NCKAP5: variants seen among roughly 807,000 people sequenced by gnomAD.
The protein encoded by NCKAP5 is NCK associated protein 5.
In NCKAP5, 92 loss-of-function variants were observed where a neutral mutation model predicts 167.0. The ratio of observed to expected loss-of-function variants is 0.55; its 90% CI spans 0.47 to 0.66. The LOEUF (loss-of-function observed/expected upper bound fraction) is 0.66. Among genes scored for constraint, NCKAP5 ranks in the 30% least tolerant of loss-of-function variants. The probability of loss-of-function intolerance (pLI) is 0.00; values close to 1 mark genes in which losing one functional copy is unlikely to be tolerated. For synonymous variants in NCKAP5, 891 were observed against 877.4 expected (o/e 1.02, Z -0.27); for missense variants, 2,378 against 2,315.0 (o/e 1.03, Z -0.56).
At chr2:133,610,356 G>A in the NCKAP5 span, among the ~76,000 whole-genome samples, 2 of 152,138 alleles carry the variant, frequency 1.3e-5, no homozygotes, top group Non-Finnish European at 2.9e-5. Context: ...CTGTTTGGTG[G>A]CAGTGTGTAT....
intron 3 of NCKAP5, among the ~76,000 whole-genome samples, chr2:133,463,036 T>A (rs1412083800): frequency 6.6e-6 from 1 of 152,230 alleles, no homozygotes; most frequent in Non-Finnish European, 1.5e-5. Context: ...AATATCAACA[T>A]TGGTGCACAG....
In NCKAP5 at chr2:133,435,496, C is replaced by T. The variant is rs572167469; in HGVS notation, c.69+81962G>A. Among the ~76,000 whole-genome samples the T allele has an allele frequency of 5.0e-4, 76 of 152,216 alleles. 1 individual carries two copies. The South Asian group carries it at 8.5e-3, about 17-fold the overall frequency. ...ACAGACTGGCTCTACCAGGTTGGAA[C>T]GAAGCCAGTCTCTCCAGGGCTCACT... On this transcript the variant is annotated intron_variant, in intron 3 of 19. Transcript: ENST00000409261.
chr2:133,438,528 A>G (rs1433101908), intron 3 of NCKAP5, among the ~76,000 whole-genome samples: 3 of 152,234 alleles, frequency 2.0e-5, no homozygotes, highest in Non-Finnish European at 4.4e-5. Flanking sequence ...AACTTCGCAT[A>G]AAGTATAATA....
At chr2:133,197,532 A>G (rs2085490013) in intron 5 of NCKAP5, among the ~76,000 whole-genome samples, 1 of 152,226 alleles carries the variant, frequency 6.6e-6, no homozygotes, top group African/African-American at 2.4e-5. Flanking sequence ...TATGAAGAAC[A>G]GGGAAAATCT....
At chr2:132,898,103 C>A (rs1261159401) in intron 8 of NCKAP5, among the ~76,000 whole-genome samples, 1 of 152,222 alleles carries the variant, frequency 6.6e-6, no homozygotes, top group African/African-American at 2.4e-5. Flanking sequence ...TCTTCTCAAA[C>A]CCTGCCAATG....
chr2:132,826,650 A>T (rs1687143808), intron 11 of NCKAP5, among the ~76,000 whole-genome samples: 1 of 152,212 alleles, frequency 6.6e-6, no homozygotes, highest in African/African-American at 2.4e-5. Flanking sequence ...ATATTAGCTC[A>T]CATTTGCTAC....
intron 6 of NCKAP5, among the ~76,000 whole-genome samples, chr2:133,003,838 T>A (rs981808889): frequency 2.6e-5 from 4 of 152,184 alleles, no homozygotes; most frequent in African/African-American, 9.7e-5. Flanking sequence ...TGCATCATAT[T>A]CACTCCAGGG....
intron 3 of NCKAP5, among the ~76,000 whole-genome samples, chr2:133,512,874 C>A (rs766640325): frequency 6.6e-6 from 1 of 152,016 alleles, no homozygotes; most frequent in African/African-American, 2.4e-5. Flanking sequence ...AGTTGCACAG[C>A]TCCAACTACC....
At chr2:133,434,109 A>C (rs941621273) in intron 3 of NCKAP5, among the ~76,000 whole-genome samples, 2 of 152,250 alleles carry the variant, frequency 1.3e-5, no homozygotes, top group Non-Finnish European at 2.9e-5. Context: ...GAATCAAAAA[A>C]AAATTCTAAG....
At chr2:133,616,614 T>C in the NCKAP5 span, among the ~76,000 whole-genome samples, 1 of 152,162 alleles carries the variant, frequency 6.6e-6, no homozygotes, top group African/African-American at 2.4e-5. Flanking sequence ...AGAAGTTGAA[T>C]CTCTGAATAG....
chr2:132,833,707 G>A (rs1687682197), intron 11 of NCKAP5, among the ~76,000 whole-genome samples: 1 of 152,010 alleles, frequency 6.6e-6, no homozygotes, highest in Non-Finnish European at 1.5e-5. Flanking sequence ...TCTCTATTCT[G>A]TTCCATTGAA....
intron 19 of NCKAP5, 145 bp from the exon 20 acceptor site, chr2:132,673,450 T>C: frequency 1.6e-6 from 1 of 616,598 alleles, no homozygotes; most frequent in Non-Finnish European, 2.4e-6. Flanking sequence ...CTAGTATAAT[T>C]AGATGTAATA....
chr2:132,742,599 CAA>C lies in NCKAP5; in HGVS notation c.5129-10550_5129-10549del, dbSNP rs373446149. Among the ~76,000 whole-genome samples the C allele has an allele frequency of 1.6e-3, 247 of 151,968 alleles. 1 individual carries two copies. Among genetic ancestry groups the C allele is most frequent in the African/African-American group, 5.7e-3 (238 of 41,530 alleles). On this transcript the variant is annotated intron_variant, in intron 16 of 19. Transcript: ENST00000409261. ...ATTACTGTAATTACAGATATTTAAT[CAA>C]AGTCTTCAGAAAGATAAGAATTTAA...
At chr2:132,967,214 TACAC>T (rs1425289778) in intron 7 of NCKAP5, among the ~76,000 whole-genome samples, 1 of 143,984 alleles carries the variant, frequency 6.9e-6, no homozygotes, top group Non-Finnish European at 1.5e-5. Flanking sequence ...CACACACACA[TACAC>T]ACACTCTTAA....
chr2:132,776,539 C>T (rs1342217025), intron 15 of NCKAP5, among the ~76,000 whole-genome samples: 1 of 152,102 alleles, frequency 6.6e-6, no homozygotes, highest in East Asian at 1.9e-4. Flanking sequence ...CTGGATGACC[C>T]ATGAGGGGCA....
chr2:133,025,441 T>C (rs2078664336), intron 6 of NCKAP5, among the ~76,000 whole-genome samples: 1 of 152,224 alleles, frequency 6.6e-6, no homozygotes, highest in Non-Finnish European at 1.5e-5. Context: ...TGATGGAAAG[T>C]ACAGGTGTAG....
chr2:132,831,916 A>C (rs1436229477), intron 11 of NCKAP5, among the ~76,000 whole-genome samples: 1 of 152,120 alleles, frequency 6.6e-6, no homozygotes, highest in Non-Finnish European at 1.5e-5. Flanking sequence ...TTAGAAATAC[A>C]TTGATGAATC....
chr2:133,531,666 G>T (rs1685374173), intron 2 of NCKAP5, among the ~76,000 whole-genome samples: 1 of 152,116 alleles, frequency 6.6e-6, no homozygotes, highest in Non-Finnish European at 1.5e-5. Flanking sequence ...AGAATTAGTA[G>T]TAATGTTTTT....
At chr2:133,007,799 C>T (rs1221192664) in intron 6 of NCKAP5, among the ~76,000 whole-genome samples, 1 of 152,104 alleles carries the variant, frequency 6.6e-6, no homozygotes, top group African/African-American at 2.4e-5. Context: ...ATTTAGCCTG[C>T]CCCACTCTCT....
Sources: allele counts gnomAD v4.1 joint callset (sites outside exome capture counted in the v4.1 genomes callset), GRCh38; gene constraint gnomAD v4.1.1; transcripts MANE v1.5; gene names NCBI Gene and HGNC (gene_info 2026-07-23, HGNC 2026-07-21).